GPAT4: variants seen among roughly 807,000 people sequenced by gnomAD.
GPAT4 encodes the protein glycerol-3-phosphate acyltransferase 4.
GPAT4 carries 17 observed loss-of-function variants against 58.0 expected under a neutral mutation model. That is an observed-to-expected ratio of 0.29 (90% CI 0.20 to 0.44). The LOEUF (loss-of-function observed/expected upper bound fraction) is 0.44. GPAT4 is among the 20% of genes least tolerant of loss of function. The pLI, the probability that GPAT4 is intolerant of heterozygous loss-of-function variation, is 1.00. For missense variants in GPAT4, 377 were observed against 574.5 expected (o/e 0.66, Z 3.51); for synonymous variants, 204 against 210.1 (o/e 0.97, Z 0.25).
At chr8:41,620,085 T>G (rs1267344533) in intron 12 of GPAT4, among the ~76,000 whole-genome samples, 1 of 152,268 alleles carries the variant, frequency 6.6e-6, no homozygotes, top group Non-Finnish European at 1.5e-5. Context: ...CTGCCCCATG[T>G]TCCCATCTCT....
chr8:41,592,876 A>G (rs1802831896), intron 1 of GPAT4, among the ~76,000 whole-genome samples: 1 of 152,130 alleles, frequency 6.6e-6, no homozygotes. Context: ...ATTGGTTATT[A>G]CTAGCTCTAA....
intron 1 of GPAT4, among the ~76,000 whole-genome samples, chr8:41,588,926 G>C (rs934220633): frequency 6.6e-6 from 1 of 152,184 alleles, no homozygotes; most frequent in Non-Finnish European, 1.5e-5. Flanking sequence ...GATGATTCTG[G>C]GTGAGTTTGG....
chr8:41,588,214 A>T (rs1802703761), intron 1 of GPAT4, among the ~76,000 whole-genome samples: 2 of 152,234 alleles, frequency 1.3e-5, no homozygotes, highest in Non-Finnish European at 2.9e-5. Context: ...AAATACGTGC[A>T]TTCTTTTGTG....
At chr8:41,584,270 G>A (rs1478808227) in intron 1 of GPAT4, among the ~76,000 whole-genome samples, 2 of 152,116 alleles carry the variant, frequency 1.3e-5, no homozygotes, top group African/African-American at 2.4e-5. Flanking sequence ...CGCTGCTAGT[G>A]GGAATACAAA....
intron 10 of GPAT4, among the ~76,000 whole-genome samples, chr8:41,617,239 C>T (rs1803621598): frequency 6.6e-6 from 1 of 152,108 alleles, no homozygotes; most frequent in Admixed American, 6.5e-5. Flanking sequence ...TGGCAGGTGC[C>T]TACAGCCCCA....
intron 12 of GPAT4, 108 bp downstream of exon 12, chr8:41,619,085 T>C: frequency 7.4e-7 from 1 of 1,348,848 alleles, no homozygotes; most frequent in Non-Finnish European, 1.0e-6. Flanking sequence ...ACTTGTCAGC[T>C]CTAGAGAGAG....
intron 1 of GPAT4, among the ~76,000 whole-genome samples, chr8:41,580,202 G>A (rs1477596994): frequency 5.3e-5 from 8 of 152,232 alleles, no homozygotes; most frequent in Admixed American, 5.2e-4. Context: ...TCTGATAATA[G>A]TTTTTAGGGA....
Position 41,599,127 on chromosome 8 carries a change from T to G in GPAT4, c.-13T>G. On this transcript the variant is annotated 5_prime_UTR_variant, in exon 2 of 13. Transcript: ENST00000396987. The stretch of plus-strand genomic sequence containing the variant: ...TAGGGAGGCAGGTGCTGGCCTGGCC[T>G]GGATCTTCCACCATGTTCCTGTTGC... 1 of 1,608,638 alleles carries G rather than the reference T, an allele frequency of 6.2e-7. No individual in the cohort carries two copies. The highest frequency in any genetic ancestry group is 2.2e-5 in the East Asian group (1 of 44,808).
intron 2 of GPAT4, among the ~76,000 whole-genome samples, chr8:41,600,434 A>T (rs1433540508): frequency 6.6e-6 from 1 of 152,030 alleles, no homozygotes; most frequent in Non-Finnish European, 1.5e-5. Context: ...ATCAACCTGC[A>T]TTTTATTTAT....
At chr8:41,594,396 A>C (rs1380363916) in intron 1 of GPAT4, among the ~76,000 whole-genome samples, 3 of 152,154 alleles carry the variant, frequency 2.0e-5, no homozygotes, top group Non-Finnish European at 4.4e-5. Context: ...TATACCTTGC[A>C]CATAAACTGT....
chr8:41,618,418 G>T, intron 10 of GPAT4: 1 of 517,346 alleles, frequency 1.9e-6, no homozygotes, highest in East Asian at 3.4e-5. Context: ...ACTAATCAAG[G>T]AGGGAAGACA....
Position 41,612,835 on chromosome 8 carries a change from C to G in GPAT4, c.796-10C>G. The G allele has an allele frequency of 6.2e-7, 1 of 1,612,136 alleles. No homozygotes were observed. Among genetic ancestry groups the G allele is most frequent in the South Asian group, 1.1e-5 (1 of 90,944 alleles). On this transcript the variant is annotated splice_polypyrimidine_tract_variant and intron_variant, in intron 7 of 12. Transcript: ENST00000396987. ...GCTTCACTACTAATGAGTCCTGTGC[C>G]TGCGCTTAGGTGGGTCAAGTGCACG... is the stretch of plus-strand genomic sequence containing the variant.
intron 4 of GPAT4, chr8:41,610,308 C>T (rs919035): frequency 0.08 from 96,393 of 1,211,092 alleles, 4,152 homozygotes; most frequent in Middle Eastern, 0.13. Flanking sequence ...GATCTTTCAG[C>T]TTCTCTGCAC....
At chr8:41,595,165 T>G (rs1028929852) in intron 1 of GPAT4, among the ~76,000 whole-genome samples, 3 of 150,774 alleles carry the variant, frequency 2.0e-5, no homozygotes, top group Non-Finnish European at 3.0e-5. Context: ...AGTTTTTTTT[T>G]TTTTTTTTTT....
intron 1 of GPAT4, among the ~76,000 whole-genome samples, chr8:41,593,188 T>C (rs371748318): frequency 1.3e-5 from 2 of 152,306 alleles, no homozygotes; most frequent in Admixed American, 6.5e-5. Flanking sequence ...TTTACTTGTA[T>C]CACTTACGAG....
intron 2 of GPAT4, among the ~76,000 whole-genome samples, chr8:41,608,104 G>A (rs1343279617): frequency 6.6e-6 from 1 of 152,240 alleles, no homozygotes; most frequent in Non-Finnish European, 1.5e-5. Context: ...GAGAAAATGG[G>A]TCATGTGAGT....
At chr8:41,618,636 G>A (rs748611736) in intron 10 of GPAT4, 48 bp from the exon 11 acceptor site, 18 of 1,589,738 alleles carry the variant, frequency 1.1e-5, no homozygotes, top group South Asian at 4.4e-5. Flanking sequence ...ACTCGCAAAC[G>A]TTGTGAGAAC....
chr8:41,584,446 G>A (rs558155335), intron 1 of GPAT4, among the ~76,000 whole-genome samples: 3 of 152,126 alleles, frequency 2.0e-5, no homozygotes, highest in African/African-American at 7.2e-5. Context: ...GAAGAAACGG[G>A]TATATCCATA....
chr8:41,594,546 C>CT (rs35439986), intron 1 of GPAT4, among the ~76,000 whole-genome samples: 19,090 of 133,430 alleles, frequency 0.14, 1,734 homozygotes, highest in Middle Eastern at 0.2. Flanking sequence ...TTATTACAAA[C>CT]TTTTTTTTTT....
Sources: allele counts gnomAD v4.1 joint callset (sites outside exome capture counted in the v4.1 genomes callset), GRCh38; gene constraint gnomAD v4.1.1; transcripts MANE v1.5; gene names NCBI Gene and HGNC (gene_info 2026-07-23, HGNC 2026-07-21).